The following KCTD16 variants were observed in gnomAD, a reference collection of about 807,000 sequenced individuals.
KCTD16 encodes the protein BTB/POZ domain-containing protein KCTD16.
Under a neutral mutation model 33.2 loss-of-function variants are expected in KCTD16, and 13 were observed. That is an observed-to-expected ratio of 0.39 (90% CI 0.25 to 0.62). The LOEUF is 0.62. KCTD16 is among the 20% of genes least tolerant of loss of function. The pLI is 0.50. For missense variants in KCTD16, 441 were observed against 525.1 expected, an observed-to-expected ratio of 0.84 and a Z score of 1.57; for synonymous variants, 197 against 195.3, an observed-to-expected ratio of 1.01 and a Z score of -0.07.
chr5:144,279,954 A>ATTGGTG (rs1350517983), intron 3 of KCTD16, among the ~76,000 whole-genome samples: 1 of 152,208 alleles, frequency 6.6e-6, no homozygotes, highest in Non-Finnish European at 1.5e-5. Flanking sequence ...TGGTGTATTA[A>ATTGGTG]TATGATGGAT....
intron 3 of KCTD16, among the ~76,000 whole-genome samples, chr5:144,414,391 G>A (rs1753001421): frequency 6.6e-6 from 1 of 152,150 alleles, no homozygotes; most frequent in South Asian, 2.1e-4. Flanking sequence ...TGGCCTGTGT[G>A]TTCCTGCAAA....
Position 144,206,672 on chromosome 5 carries a change from T to C in KCTD16, c.-43T>C, listed in dbSNP as rs747199714. ...AGGATAAGGCTGTGACTCCATTGGA[T>C]TGCACCTTTAAATCAAAATAGCAGC... is the stretch of plus-strand genomic sequence containing the variant. On this transcript the variant is annotated 5_prime_UTR_variant, in exon 3 of 4. Transcript: ENST00000512467. 9 of 1,523,170 alleles carry C rather than the reference T, an allele frequency of 5.9e-6. No individual in the cohort carries two copies. Among genetic ancestry groups the C allele is most frequent in the Non-Finnish European group, 7.2e-6 (8 of 1,112,106 alleles). 94.4% of individuals were successfully genotyped at this position (1,523,170 alleles called of 1,614,324 possible). A position where few individuals can be genotyped will look rare whatever the true frequency, so the allele number is the denominator to read the frequency against.
chr5:144,212,537 A>C (rs891703412), intron 3 of KCTD16, among the ~76,000 whole-genome samples: 1 of 152,172 alleles, frequency 6.6e-6, no homozygotes, highest in Non-Finnish European at 1.5e-5. Flanking sequence ...GTTGTATCTA[A>C]TCAAAGAAAT....
At chr5:144,319,564 T>C (rs569257269) in intron 3 of KCTD16, among the ~76,000 whole-genome samples, 3 of 152,362 alleles carry the variant, frequency 2.0e-5, no homozygotes, top group African/African-American at 7.2e-5. Flanking sequence ...CATGCATTTT[T>C]TGAAGTCTTA....
chr5:144,171,232 A>G (rs1267362144), intron 1 of KCTD16, among the ~76,000 whole-genome samples: 1 of 152,194 alleles, frequency 6.6e-6, no homozygotes, highest in Non-Finnish European at 1.5e-5. Flanking sequence ...GTGTTCCATA[A>G]TTCTTTGAAA....
chr5:144,190,201 T>C (rs975449723), intron 2 of KCTD16, among the ~76,000 whole-genome samples: 1 of 152,234 alleles, frequency 6.6e-6, no homozygotes, highest in African/African-American at 2.4e-5. Flanking sequence ...TCTGTCTCTC[T>C]TACTAGACTA....
intron 3 of KCTD16, among the ~76,000 whole-genome samples, chr5:144,395,578 T>C (rs1179272044): frequency 6.6e-6 from 1 of 152,212 alleles, no homozygotes; most frequent in Non-Finnish European, 1.5e-5. Flanking sequence ...CTATTCTTCC[T>C]TACTCACAGC....
intron 3 of KCTD16, among the ~76,000 whole-genome samples, chr5:144,248,940 A>G (rs1050687890): frequency 6.6e-6 from 1 of 152,170 alleles, no homozygotes; most frequent in African/African-American, 2.4e-5. Flanking sequence ...TCAAGGTGCT[A>G]ATATAACAAA....
In KCTD16 at chr5:144,473,857, C is replaced by G; in HGVS notation, c.1030C>G (p.Arg344Gly). 6.2e-7 allele frequency: 1 copy of G among 1,614,024 alleles called. No individual in the cohort carries two copies. Among genetic ancestry groups the G allele is most frequent in the Non-Finnish European group, 8.5e-7 (1 of 1,179,994 alleles). The change falls in exon 4 of 4, where the codon CGT becomes GGT. Residue 344 changes from arginine to glycine, a missense_variant. Transcript: ENST00000512467. ...TRQTNIQTLDRPIKKGPVQLI... is the reference protein window; with the variant it reads ...TRQTNIQTLDGPIKKGPVQLI... ...CCAGACCAACATCCAGACTCTGGAC[C>G]GTCCCATCAAGAAGGGCCCTGTCCA...
chr5:144,463,953 G>A (rs570623141), intron 3 of KCTD16, among the ~76,000 whole-genome samples: 5 of 152,194 alleles, frequency 3.3e-5, no homozygotes, highest in Non-Finnish European at 7.3e-5. Context: ...AAGGAATGAC[G>A]ATTTGTTAGT....
intron 3 of KCTD16, among the ~76,000 whole-genome samples, chr5:144,364,227 T>C (rs1426026974): frequency 6.6e-6 from 1 of 152,164 alleles, no homozygotes; most frequent in Non-Finnish European, 1.5e-5. Context: ...ACGGCTCTGG[T>C]GGCACGGTCA....
chr5:144,292,663 T>C (rs1755927072), intron 3 of KCTD16, among the ~76,000 whole-genome samples: 1 of 152,176 alleles, frequency 6.6e-6, no homozygotes, highest in Non-Finnish European at 1.5e-5. Flanking sequence ...AAGCCATCAC[T>C]ACAGAGAGAT....
At chr5:144,287,893 C>T (rs577002806) in intron 3 of KCTD16, among the ~76,000 whole-genome samples, 7 of 152,294 alleles carry the variant, frequency 4.6e-5, no homozygotes, top group African/African-American at 1.7e-4. Flanking sequence ...CTCGGCCTCT[C>T]AAAGTGTTGG....
rs868404645 is a variant in KCTD16 at position 144,313,462 on chromosome 5, A to C, written c.832+105916A>C. ...CTTAGACTGTCACCTGTGATTGGAC[A>C]TGAAAATACTAAAATATTGTAAGGT... On this transcript the variant is annotated intron_variant, in intron 3 of 3. Transcript: ENST00000512467. Among the ~76,000 whole-genome samples, 3 of 152,320 alleles carry C rather than the reference A, an allele frequency of 2.0e-5. No homozygotes were observed. In the South Asian group the frequency reaches 6.2e-4, roughly 32 times the overall value.
chr5:144,372,470 G>C (rs1751990303), intron 3 of KCTD16, among the ~76,000 whole-genome samples: 2 of 152,208 alleles, frequency 1.3e-5, no homozygotes, highest in South Asian at 4.1e-4. Flanking sequence ...ATAAGGGTGG[G>C]ACTGCCAATT....
intron 3 of KCTD16, among the ~76,000 whole-genome samples, chr5:144,352,886 T>C (rs1372419068): frequency 1.3e-5 from 2 of 152,212 alleles, no homozygotes; most frequent in Non-Finnish European, 2.9e-5. Flanking sequence ...GCTCTGCTGA[T>C]ACCAACACTC....
At position 144,459,245 on chromosome 5, in the gene KCTD16, C is replaced by T. The variant is rs1305903905; in HGVS notation, c.833-14415C>T. Among the ~76,000 whole-genome samples the T allele has an allele frequency of 4.6e-5, 7 of 152,210 alleles. No individual in the cohort carries two copies. In the East Asian group the frequency reaches 1.3e-3, roughly 29 times the overall value. On this transcript the variant is annotated intron_variant, in intron 3 of 3. Coordinates refer to ENST00000512467, the MANE Select transcript of KCTD16 (RefSeq NM_020768.4). ...ATCTATGTCAGAAAGTCCCCATTCT[C>T]CATCCTCACTCCTAGAAGTCACTAT...
intron 3 of KCTD16, among the ~76,000 whole-genome samples, chr5:144,268,449 CA>C (rs1156752402): frequency 6.6e-6 from 1 of 152,060 alleles, no homozygotes; most frequent in Non-Finnish European, 1.5e-5. Context: ...AGGACAGTCA[CA>C]AATAACTTTA....
intron 3 of KCTD16, among the ~76,000 whole-genome samples, chr5:144,320,263 G>T (rs78036339): frequency 1.5e-3 from 232 of 152,144 alleles, no homozygotes; most frequent in African/African-American, 5.4e-3. Context: ...GAAATCTGAG[G>T]GCTAAAAAGG....
Sources: allele counts gnomAD v4.1 joint callset (sites outside exome capture counted in the v4.1 genomes callset), GRCh38; gene constraint gnomAD v4.1.1; transcripts MANE v1.5; gene names NCBI Gene and HGNC (gene_info 2026-07-23, HGNC 2026-07-21).